The following RNF6 variants were observed in gnomAD, a reference collection of about 807,000 sequenced individuals.
RNF6 encodes the protein ring finger protein 6, also known as E3 ubiquitin-protein ligase RNF6.
In RNF6, 21 loss-of-function variants were observed where a neutral mutation model predicts 50.1. That is an observed-to-expected ratio of 0.42 (90% CI 0.30 to 0.60). The LOEUF is 0.60. RNF6 is among the 20% of genes least tolerant of loss of function. The pLI is 0.20. For synonymous variants in RNF6, 255 were observed against 291.8 expected, an observed-to-expected ratio of 0.87 and a Z score of 1.29; for missense variants, 698 against 838.2, an observed-to-expected ratio of 0.83 and a Z score of 2.07.
Position 26,219,503 on chromosome 13 carries a change from A to T in RNF6, c.147T>A (p.Asp49Glu). 6.2e-7 allele frequency: 1 copy of T among 1,613,930 alleles called. No individual in the cohort carries two copies. Among genetic ancestry groups the T allele is most frequent in the Non-Finnish European group, 8.5e-7 (1 of 1,179,882 alleles). Residue 49 changes from aspartate (D) to glutamate (E), a missense_variant, in exon 3 of 5, where the codon GAT becomes GAA. Physicochemically the swap from Asp to Glu is conservative, Grantham distance 45. Coordinates refer to ENST00000381588, the MANE Select transcript of RNF6 (RefSeq NM_005977.4). The stretch of plus-strand genomic sequence containing the variant: ...GGTCTCTCATAAGCCGATAATCTTC[A>T]TCATTGAGTTCATTAATAAACTGAT... ...AYYQFINELN[D>E]EDYRLMRDHN... is the part of the protein sequence containing the mutation.
intron 5 of RNF6, among the ~76,000 whole-genome samples, chr13:26,140,746 A>C (rs1870895595): frequency 6.6e-6 from 1 of 152,190 alleles, no homozygotes. Context: ...AAAGACTAAC[A>C]AAAAGCTCCT....
chr13:26,196,636 A>AAAATAAATAAATAAAT (rs57251514), intron 5 of RNF6, among the ~76,000 whole-genome samples: 4 of 151,154 alleles, frequency 2.6e-5, no homozygotes, highest in Admixed American at 2.0e-4. Flanking sequence ...CTTTCTCCAA[A>AAAATAAATAAATAAAT]AAATAAATAA....
intron 5 of RNF6, among the ~76,000 whole-genome samples, chr13:26,132,831 AC>A (rs1314075378): frequency 1.3e-5 from 2 of 152,176 alleles, no homozygotes; most frequent in African/African-American, 4.8e-5. Context: ...GTGGTTCCAA[AC>A]TTTTTGCAGG....
chr13:26,159,246 T>A (rs1025193768), intron 5 of RNF6, among the ~76,000 whole-genome samples: 1 of 152,162 alleles, frequency 6.6e-6, no homozygotes, highest in Non-Finnish European at 1.5e-5. Context: ...AATAGAAATA[T>A]GTCATAGAAG....
chr13:26,136,295 T>C (rs191770087), intron 5 of RNF6, among the ~76,000 whole-genome samples: 1 of 152,336 alleles, frequency 6.6e-6, no homozygotes, highest in East Asian at 1.9e-4. Context: ...ACAGATGTTA[T>C]ATAGATCAGA....
At chr13:26,153,067 T>C (rs1477668814) in intron 5 of RNF6, among the ~76,000 whole-genome samples, 2 of 151,602 alleles carry the variant, frequency 1.3e-5, no homozygotes, top group African/African-American at 4.9e-5. Context: ...GCAGGAGAAT[T>C]GCTTGAACCC....
intron 5 of RNF6, among the ~76,000 whole-genome samples, chr13:26,180,952 G>A (rs1873207033): frequency 1.3e-5 from 2 of 152,212 alleles, no homozygotes; most frequent in Non-Finnish European, 2.9e-5. Context: ...CCTGTAGTCG[G>A]AGATGTTCTT....
Position 26,213,716 on chromosome 13 carries a change from A to G in RNF6, c.*108T>C. The G allele has an allele frequency of 1.2e-6, 1 of 854,438 alleles. No individual in the cohort carries two copies. The highest frequency in any genetic ancestry group is 1.8e-6 in the Non-Finnish European group (1 of 570,136). The allele number at this position is 854,438 out of a possible 1,614,324, so 52.9% of individuals were successfully genotyped here. On this transcript the variant is annotated 3_prime_UTR_variant, in exon 5 of 5. Transcript: ENST00000381588. ...ACACGAAAAATAGTTCAAACTATAT[A>G]TAATCTGTTATTTTTCATCCTGGTT...
chr13:26,213,917 G>A lies in RNF6; in HGVS notation c.1965C>T (p.His655=), dbSNP rs571955705. ...LRQLPCMHEF[H]IHCIDRWLSE... is the part of the protein sequence containing the mutation. Reference sequence around the variant, plus strand: ...AGAGCCATCGGTCAATACAATGAATGTGAAATTCATGCATGCAAGGTAATT... The same window carrying A: ...AGAGCCATCGGTCAATACAATGAATATGAAATTCATGCATGCAAGGTAATT... Residue 655 remains histidine, a synonymous_variant, in exon 5 of 5, where the codon CAC becomes CAT. Coordinates refer to ENST00000381588, the MANE Select transcript of RNF6 (RefSeq NM_005977.4). The A allele has an allele frequency of 4.6e-5, 74 of 1,614,128 alleles. No homozygotes were observed. The East Asian group carries it at 1.4e-3, about 32-fold the overall frequency.
intron 5 of RNF6, among the ~76,000 whole-genome samples, chr13:26,178,774 C>G (rs559011206): frequency 8.6e-5 from 13 of 152,024 alleles, no homozygotes; most frequent in Non-Finnish European, 1.9e-4. Flanking sequence ...ACCCCTTGAC[C>G]AATATCTCCC....
At chr13:26,173,243 T>C (rs1872788530) in intron 5 of RNF6, among the ~76,000 whole-genome samples, 1 of 152,212 alleles carries the variant, frequency 6.6e-6, no homozygotes, top group Non-Finnish European at 1.5e-5. Context: ...CATACATGTA[T>C]GCAAGAAGTT....
chr13:26,148,155 G>A (rs1871348915), intron 5 of RNF6, among the ~76,000 whole-genome samples: 1 of 152,120 alleles, frequency 6.6e-6, no homozygotes, highest in African/African-American at 2.4e-5. Context: ...GAGCAAGAGA[G>A]CACGGAAGCA....
At chr13:26,132,503 A>G (rs1593136133) in intron 5 of RNF6, 2 of 452,288 alleles carry the variant, frequency 4.4e-6, no homozygotes, top group East Asian at 1.4e-4. Flanking sequence ...TTAATGTACT[A>G]TGTTTAAACT....
chr13:26,156,002 AAG>A, intron 5 of RNF6, among the ~76,000 whole-genome samples: 1 of 152,328 alleles, frequency 6.6e-6, no homozygotes, highest in African/African-American at 2.4e-5. Flanking sequence ...CCGCTTTTAA[AAG>A]AGAGAGAAAA....
intron 5 of RNF6, among the ~76,000 whole-genome samples, chr13:26,154,961 C>G (rs1320884777): frequency 6.6e-6 from 1 of 151,474 alleles, no homozygotes; most frequent in Non-Finnish European, 1.5e-5. Context: ...ACCCAGGAGG[C>G]AGAAGTTGCA....
chr13:26,202,629 T>A (rs191834406), intron 5 of RNF6, among the ~76,000 whole-genome samples: 124 of 151,864 alleles, frequency 8.2e-4, no homozygotes, highest in African/African-American at 2.3e-3. Context: ...AAAATAAATT[T>A]AAAAAAAATA....
chr13:26,186,552 G>A (rs1376656953), intron 5 of RNF6, among the ~76,000 whole-genome samples: 1 of 152,208 alleles, frequency 6.6e-6, no homozygotes, highest in Non-Finnish European at 1.5e-5. Flanking sequence ...GTGCACGAGC[G>A]CACGTACACG....
intron 5 of RNF6, among the ~76,000 whole-genome samples, chr13:26,176,332 C>G (rs1040093372): frequency 6.6e-6 from 1 of 152,142 alleles, no homozygotes; most frequent in Non-Finnish European, 1.5e-5. Context: ...CTCTGTCACC[C>G]AGGCTGGAGT....
intron 5 of RNF6, among the ~76,000 whole-genome samples, chr13:26,190,654 A>G (rs1868418948): frequency 6.6e-6 from 1 of 152,184 alleles, no homozygotes; most frequent in Non-Finnish European, 1.5e-5. Flanking sequence ...AACACACCCA[A>G]CACATGAAAT....
Sources: gnomAD v4.1 joint callset for allele counts (sites outside exome capture counted in the v4.1 genomes callset) on GRCh38, gnomAD v4.1.1 for gene constraint, MANE v1.5 for transcripts, NCBI Gene and HGNC (gene_info 2026-07-23, HGNC 2026-07-21) for gene names.